BAALC: variants seen among roughly 807,000 people sequenced by gnomAD.
BAALC encodes BAALC binder of MAP3K1 and KLF4, also known as brain and acute leukemia cytoplasmic protein.
Under a neutral mutation model 15.5 loss-of-function variants are expected in BAALC, and 9 were observed. That is an observed-to-expected ratio of 0.58 (90% CI 0.35 to 1.02). The LOEUF is 1.02. BAALC is among the 50% of genes least tolerant of loss of function. The pLI is 0.02. For synonymous variants in BAALC, 80 were observed against 74.6 expected, an observed-to-expected ratio of 1.07 and a Z score of -0.37; for missense variants, 201 against 192.4, an observed-to-expected ratio of 1.04 and a Z score of -0.27.
intron 1 of BAALC, among the ~76,000 whole-genome samples, chr8:103,143,688 G>A (rs1275428346): frequency 6.6e-6 from 1 of 152,180 alleles, no homozygotes; most frequent in East Asian, 1.9e-4. Context: ...TCAAACTGAA[G>A]CCACCTTTTC....
At chr8:103,209,011 A>G (rs1368635929) in intron 1 of BAALC, among the ~76,000 whole-genome samples, 2 of 152,138 alleles carry the variant, frequency 1.3e-5, no homozygotes, top group Non-Finnish European at 2.9e-5. Flanking sequence ...CATTCAGTGG[A>G]TGGCTCAGTA....
In BAALC at chr8:103,206,004, G is replaced by T. The variant is rs114299415; in HGVS notation, c.161-6915G>T. ...CATTTTGCATAACCCCAATAGGGTT[G>T]CCAGATAAAATTGAAGACACCCAGT... On this transcript the variant is annotated intron_variant, in intron 1 of 2. Coordinates refer to ENST00000309982, the MANE Select transcript of BAALC (RefSeq NM_024812.3). 9.5e-3 allele frequency among the ~76,000 whole-genome samples: 1,451 copies of T among 152,276 alleles called. 18 individuals are homozygous for T. Among genetic ancestry groups the T allele is most frequent in the African/African-American group, 0.024 (1,017 of 41,546 alleles).
At chr8:103,196,504 C>G (rs1452623407) in intron 1 of BAALC, among the ~76,000 whole-genome samples, 2 of 152,120 alleles carry the variant, frequency 1.3e-5, no homozygotes, top group Non-Finnish European at 2.9e-5. Context: ...TGGTCTTGAA[C>G]TCCTGGACTC....
chr8:103,202,142 T>A (rs567845837), intron 1 of BAALC, among the ~76,000 whole-genome samples: 1 of 152,344 alleles, frequency 6.6e-6, no homozygotes, highest in East Asian at 1.9e-4. Context: ...ATCATAAATG[T>A]TATTTTATAA....
intron 1 of BAALC, among the ~76,000 whole-genome samples, chr8:103,186,497 T>G (rs1359789294): frequency 6.6e-6 from 1 of 152,196 alleles, no homozygotes; most frequent in East Asian, 1.9e-4. Context: ...TAAATGGATC[T>G]GGTTACTTTT....
intron 1 of BAALC, among the ~76,000 whole-genome samples, chr8:103,177,482 C>G (rs111589128): frequency 1.3e-5 from 2 of 152,174 alleles, no homozygotes; most frequent in African/African-American, 4.8e-5. Context: ...CCACTGTACC[C>G]GGCCTTCTTC....
intron 1 of BAALC, among the ~76,000 whole-genome samples, chr8:103,211,558 A>T (rs1227480883): frequency 6.6e-6 from 1 of 152,116 alleles, no homozygotes; most frequent in Non-Finnish European, 1.5e-5. Flanking sequence ...GGGGATCTCC[A>T]TTGCAGAGTT....
intron 2 of BAALC, among the ~76,000 whole-genome samples, chr8:103,216,235 G>T (rs1030490446): frequency 6.6e-6 from 1 of 152,194 alleles, no homozygotes; most frequent in African/African-American, 2.4e-5. Context: ...TAATGTTTGT[G>T]TGCATGGTTT....
chr8:103,163,714 C>T (rs2129914538), intron 1 of BAALC, among the ~76,000 whole-genome samples: 1 of 152,286 alleles, frequency 6.6e-6, no homozygotes, highest in South Asian at 2.1e-4. Flanking sequence ...CCTACCACTG[C>T]CCTTCCTGAA....
At chr8:103,221,818 A>C (rs1031681306) in intron 2 of BAALC, among the ~76,000 whole-genome samples, 1 of 152,220 alleles carries the variant, frequency 6.6e-6, no homozygotes, top group Non-Finnish European at 1.5e-5. Context: ...CAAACTCTAC[A>C]ATATTTGAAG....
intron 2 of BAALC, among the ~76,000 whole-genome samples, chr8:103,214,466 C>T (rs914693539): frequency 6.6e-6 from 1 of 152,204 alleles, no homozygotes; most frequent in Non-Finnish European, 1.5e-5. Flanking sequence ...GGTTAGTCCC[C>T]AGTTCCAAAA....
At chr8:103,194,661 A>G (rs1324954435) in intron 1 of BAALC, among the ~76,000 whole-genome samples, 2 of 152,190 alleles carry the variant, frequency 1.3e-5, no homozygotes, top group Non-Finnish European at 2.9e-5. Flanking sequence ...ATTAAACACA[A>G]ATTTGTTTCA....
intron 1 of BAALC, among the ~76,000 whole-genome samples, chr8:103,176,460 T>C (rs1264449955): frequency 6.7e-6 from 1 of 148,870 alleles, no homozygotes; most frequent in African/African-American, 2.4e-5. Context: ...TAGAACTAAG[T>C]GCCATAAGAA....
chr8:103,173,257 T>C (rs1462215146), intron 1 of BAALC, among the ~76,000 whole-genome samples: 4 of 152,356 alleles, frequency 2.6e-5, no homozygotes, highest in African/African-American at 9.6e-5. Context: ...ACTGTTTCCA[T>C]CACAGGGCTC....
chr8:103,162,524 C>T (rs1215139743), intron 1 of BAALC, among the ~76,000 whole-genome samples: 3 of 152,084 alleles, frequency 2.0e-5, no homozygotes, highest in Non-Finnish European at 4.4e-5. Context: ...GCATGGTGGC[C>T]CAGGGCAGTC....
intron 1 of BAALC, among the ~76,000 whole-genome samples, chr8:103,181,462 G>C (rs997533453): frequency 2.8e-4 from 37 of 130,944 alleles, no homozygotes; most frequent in East Asian, 9.2e-4. Flanking sequence ...TAGTAGAGAT[G>C]GGGGTTTCAC....
chr8:103,205,882 C>T (rs574816569), intron 1 of BAALC, among the ~76,000 whole-genome samples: 21 of 152,264 alleles, frequency 1.4e-4, no homozygotes, highest in South Asian at 1.2e-3. Flanking sequence ...CTCCCCAGCA[C>T]GAGAGGAGTG....
rs1256957575 is a variant in BAALC, at chr8:103,228,136, A to G, written c.*37A>G. 6 of 1,384,426 alleles carry G rather than the reference A, an allele frequency of 4.3e-6. No individual in the cohort carries two copies. Among genetic ancestry groups the G allele is most frequent in the African/African-American group, 1.4e-5 (1 of 70,134 alleles). The allele number at this position is 1,384,426 out of a possible 1,614,324, so 85.8% of individuals were successfully genotyped here. A position where few individuals can be genotyped will look rare whatever the true frequency, so the allele number is the denominator to read the frequency against. On this transcript the variant is annotated 3_prime_UTR_variant, in exon 3 of 3. Coordinates refer to ENST00000309982, the MANE Select transcript of BAALC (RefSeq NM_024812.3). ...AGCAGAAGGGCAGATGGACTTCTTCAGTGTCCTTCACGGCACTGGATCCCA... is the reference window on the plus strand; with the variant it reads ...AGCAGAAGGGCAGATGGACTTCTTCGGTGTCCTTCACGGCACTGGATCCCA...
intron 1 of BAALC, among the ~76,000 whole-genome samples, chr8:103,167,144 C>T (rs1057279462): frequency 3.3e-5 from 5 of 152,188 alleles, no homozygotes; most frequent in Non-Finnish European, 2.9e-5. Flanking sequence ...TAGAAATAGA[C>T]ATTATTGAAA....
Sources: allele counts gnomAD v4.1 joint callset (sites outside exome capture counted in the v4.1 genomes callset), GRCh38; gene constraint gnomAD v4.1.1; transcripts MANE v1.5; gene names NCBI Gene and HGNC (gene_info 2026-07-23, HGNC 2026-07-21).